CDH12: variants seen among roughly 807,000 people sequenced by gnomAD.
The protein encoded by CDH12 is cadherin-12.
In CDH12, 41 loss-of-function variants were observed where a neutral mutation model predicts 74.1. The observed-to-expected ratio is 0.55, with a 90% CI of 0.43 to 0.72. CDH12 has a LOEUF of 0.72. Among genes scored for constraint, CDH12 ranks in the 30% least tolerant of loss-of-function variants. CDH12 has a pLI of 0.00. For synonymous variants in CDH12, 399 were observed against 355.0 expected (o/e 1.12, Z -1.39); for missense variants, 945 against 977.2 (o/e 0.97, Z 0.44).
chr5:22,758,279 G>A (rs1006620341), intron 1 of CDH12, among the ~76,000 whole-genome samples: 2 of 152,140 alleles, frequency 1.3e-5, no homozygotes, highest in African/African-American at 4.8e-5. Context: ...ACATGTAACA[G>A]AAATAAAAGA....
chr5:21,850,418 C>A (rs529207134), intron 7 of CDH12, among the ~76,000 whole-genome samples: 45 of 151,354 alleles, frequency 3.0e-4, no homozygotes, highest in African/African-American at 1.1e-3. Flanking sequence ...TCTCTTATGA[C>A]AGCATGTTAT....
At chr5:22,103,296 G>A (rs1477693931) in intron 4 of CDH12, among the ~76,000 whole-genome samples, 3 of 151,616 alleles carry the variant, frequency 2.0e-5, no homozygotes, top group South Asian at 4.2e-4. Context: ...TAGGAGTTGT[G>A]ATGCTCTTAT....
At chr5:22,376,283 C>A (rs1051897210) in intron 3 of CDH12, among the ~76,000 whole-genome samples, 1 of 151,854 alleles carries the variant, frequency 6.6e-6, no homozygotes, top group Non-Finnish European at 1.5e-5. Context: ...AAGATAGATG[C>A]AAGATGCTGT....
At chr5:22,280,463 G>T (rs542406495) in intron 3 of CDH12, among the ~76,000 whole-genome samples, 1 of 152,144 alleles carries the variant, frequency 6.6e-6, no homozygotes, top group South Asian at 2.1e-4. Flanking sequence ...CAACAAAATT[G>T]ATAGACCTCT....
Position 21,920,498 on chromosome 5 carries a change from A to AGAGG in CDH12, c.526+54589_526+54592dup, listed in dbSNP as rs372904441. Reference sequence around the variant, plus strand: ...ACAATGAGAATCCATGGACAAAGGGAGAGGGAACATCACACACCGGGGCCT... The same window carrying AGAGG: ...ACAATGAGAATCCATGGACAAAGGGAGAGGGAGGGAACATCACACACCGGGGCCT... On this transcript the variant is annotated intron_variant, in intron 6 of 14. Transcript: ENST00000382254. 4.3e-3 allele frequency among the ~76,000 whole-genome samples: 656 copies of AGAGG among 152,052 alleles called. 7 individuals carry two copies. The highest frequency in any genetic ancestry group is 0.015 in the African/African-American group (620 of 41,476).
intron 3 of CDH12, among the ~76,000 whole-genome samples, chr5:22,361,570 A>G (rs944637111): frequency 2.8e-4 from 42 of 152,174 alleles, no homozygotes; most frequent in Non-Finnish European, 4.6e-4. Context: ...ACAGAATTGG[A>G]AAAAACTACT....
intron 4 of CDH12, among the ~76,000 whole-genome samples, chr5:22,125,511 T>C (rs1156391263): frequency 6.6e-6 from 1 of 152,184 alleles, no homozygotes; most frequent in Non-Finnish European, 1.5e-5. Context: ...AGTCTATCAT[T>C]GATGGGCATT....
chr5:22,815,169 G>A (rs1296463593), intron 1 of CDH12, among the ~76,000 whole-genome samples: 1 of 152,052 alleles, frequency 6.6e-6, no homozygotes, highest in Non-Finnish European at 1.5e-5. Flanking sequence ...AGCAAAGAGG[G>A]GACAAGATGT....
At chr5:22,216,449 T>A (rs1217877197) in intron 3 of CDH12, among the ~76,000 whole-genome samples, 1 of 151,984 alleles carries the variant, frequency 6.6e-6, no homozygotes, top group Non-Finnish European at 1.5e-5. Context: ...ATTCAGCTAT[T>A]ACCTCCCTAC....
intron 2 of CDH12, among the ~76,000 whole-genome samples, chr5:22,455,472 T>A (rs2126571765): frequency 6.6e-6 from 1 of 152,242 alleles, no homozygotes; most frequent in Non-Finnish European, 1.5e-5. Flanking sequence ...AACTACTGAA[T>A]CAGAAGTTCT....
At chr5:22,448,141 G>C (rs1369756211) in intron 2 of CDH12, among the ~76,000 whole-genome samples, 4 of 149,794 alleles carry the variant, frequency 2.7e-5, no homozygotes, top group Non-Finnish European at 5.9e-5. Context: ...CTGGGCAACA[G>C]AGTAAGACCC....
chr5:21,766,908 A>T (rs980578891), intron 11 of CDH12, among the ~76,000 whole-genome samples: 5 of 151,702 alleles, frequency 3.3e-5, no homozygotes, highest in Admixed American at 2.6e-4. Context: ...AGAGACAGGG[A>T]TGTAATTTCT....
intron 2 of CDH12, among the ~76,000 whole-genome samples, chr5:22,458,654 T>TTTA (rs1259520500): frequency 2.0e-5 from 3 of 152,228 alleles, no homozygotes; most frequent in African/African-American, 7.2e-5. Flanking sequence ...AAAATTGATA[T>TTTA]GCTTTCCAAA....
At chr5:21,775,730 A>T (rs932182568) in intron 11 of CDH12, among the ~76,000 whole-genome samples, 37 of 151,492 alleles carry the variant, frequency 2.4e-4, no homozygotes, top group East Asian at 1.4e-3. Flanking sequence ...AATTTTTTTT[A>T]AAAAAATAAT....
chr5:21,920,931 G>C (rs1365388107), intron 6 of CDH12, among the ~76,000 whole-genome samples: 1 of 152,118 alleles, frequency 6.6e-6, no homozygotes, highest in Non-Finnish European at 1.5e-5. Flanking sequence ...AGTCAAATCT[G>C]CTTCAGTAAA....
chr5:22,770,714 T>A (rs1746760484), intron 1 of CDH12, among the ~76,000 whole-genome samples: 1 of 152,144 alleles, frequency 6.6e-6, no homozygotes, highest in Admixed American at 6.6e-5. Flanking sequence ...AGTGTTATTA[T>A]CCCATTTAAC....
intron 3 of CDH12, among the ~76,000 whole-genome samples, chr5:22,363,966 T>C (rs1202695315): frequency 6.6e-6 from 1 of 152,230 alleles, no homozygotes; most frequent in African/African-American, 2.4e-5. Context: ...GCTTTTATCC[T>C]GTGGCCTTAT....
chr5:22,627,264 G>A (rs1738346976), intron 1 of CDH12, among the ~76,000 whole-genome samples: 2 of 152,016 alleles, frequency 1.3e-5, no homozygotes, highest in South Asian at 2.1e-4. Flanking sequence ...TATACAGGAT[G>A]ATTATCCCCA....
chr5:22,355,514 TAAA>T lies in CDH12; in HGVS notation c.-333+49740_-333+49742del, dbSNP rs34776687. Among the ~76,000 whole-genome samples the T allele has an allele frequency of 4.7e-3, 659 of 139,062 alleles. 4 individuals carry two copies. Among genetic ancestry groups the T allele is most frequent in the Middle Eastern group, 0.04 (11 of 276 alleles). 91.2% of individuals were successfully genotyped at this position (139,062 alleles called of 152,430 possible). ...AAGGAGAGAGATATATATATTTCCT[TAAA>T]AAAAAAATATATATATATATATATA... is the stretch of plus-strand genomic sequence containing the variant. On this transcript the variant is annotated intron_variant, in intron 3 of 14. Transcript: ENST00000382254.
Sources: allele counts gnomAD v4.1 joint callset (sites outside exome capture counted in the v4.1 genomes callset), GRCh38; gene constraint gnomAD v4.1.1; transcripts MANE v1.5; gene names NCBI Gene and HGNC (gene_info 2026-07-23, HGNC 2026-07-21).